Variants in NAV2 observed in about 807,000 individuals in gnomAD.
NAV2 encodes neuron navigator 2, also known as helicase, APC down-regulated 1.
A neutral mutation model predicts 223.2 loss-of-function variants in NAV2; 54 were observed. The observed-to-expected ratio is 0.24, with a 90% CI of 0.19 to 0.30. The LOEUF is 0.30. Ranked by LOEUF, NAV2 falls within the 10% of genes least tolerant of loss-of-function variation. The probability of loss-of-function intolerance (pLI) is 1.00; values close to 1 mark genes in which losing one functional copy is unlikely to be tolerated. For synonymous variants in NAV2, 1,279 were observed against 1,239.3 expected (o/e 1.03, Z -0.67); for missense variants, 2,806 against 3,147.5 (o/e 0.89, Z 2.60).
rs146286986 is a variant in NAV2, at chr11:19,732,688, A to G, written c.267+18726A>G. On this transcript the variant is annotated intron_variant, in intron 1 of 37. Coordinates refer to ENST00000349880, the MANE Select transcript of NAV2 (RefSeq NM_145117.5). The stretch of plus-strand genomic sequence containing the variant: ...TCTGCTTCTAGCTTTTGGTTGGACA[A>G]TTCCCTGGGGACTAGCTGGACTCTG... 2.6e-3 allele frequency among the ~76,000 whole-genome samples: 400 copies of G among 152,284 alleles called. 3 individuals carry two copies. Among genetic ancestry groups the G allele is most frequent in the Middle Eastern group, 0.014 (4 of 294 alleles).
chr11:19,528,481 A>AAC (rs2043913569), intron 1 of NAV2, among the ~76,000 whole-genome samples: 1 of 152,110 alleles, frequency 6.6e-6, no homozygotes, highest in African/African-American at 2.4e-5. Context: ...AAAGACCTGA[A>AAC]ACCCCATCAC....
At chr11:19,447,753 G>A (rs1281206431) in intron 1 of NAV2, among the ~76,000 whole-genome samples, 5 of 152,150 alleles carry the variant, frequency 3.3e-5, no homozygotes, top group Non-Finnish European at 5.9e-5. Flanking sequence ...GGACCGGGTA[G>A]AACTGGGTTG....
At chr11:19,484,540 T>G (rs1392021007) in intron 1 of NAV2, among the ~76,000 whole-genome samples, 1 of 152,216 alleles carries the variant, frequency 6.6e-6, no homozygotes, top group African/African-American at 2.4e-5. Context: ...TGAGGTCCAT[T>G]CTCCTAGACC....
intron 1 of NAV2, among the ~76,000 whole-genome samples, chr11:19,434,486 G>C (rs1421326750): frequency 2.0e-5 from 3 of 152,214 alleles, no homozygotes; most frequent in Non-Finnish European, 4.4e-5. Flanking sequence ...GAGTTTTTCA[G>C]TGTATCCTTG....
chr11:19,831,479 C>T (rs1185548934), intron 1 of NAV2, among the ~76,000 whole-genome samples: 6 of 151,922 alleles, frequency 3.9e-5, no homozygotes, highest in African/African-American at 1.5e-4. Context: ...TCCTTTTGAC[C>T]AATCATTTGT....
At chr11:19,690,094 C>T (rs1242511170) in intron 1 of NAV2, among the ~76,000 whole-genome samples, 1 of 152,146 alleles carries the variant, frequency 6.6e-6, no homozygotes, top group Admixed American at 6.5e-5. Context: ...CCTCAGCCTC[C>T]TGAGTAGCTG....
At chr11:19,669,961 T>G (rs1050217925) in intron 1 of NAV2, among the ~76,000 whole-genome samples, 1 of 152,152 alleles carries the variant, frequency 6.6e-6, no homozygotes, top group African/African-American at 2.4e-5. Flanking sequence ...CATACACACA[T>G]CAACATACTC....
At chr11:20,079,445 A>G (rs2059956725) in intron 24 of NAV2, among the ~76,000 whole-genome samples, 1 of 152,204 alleles carries the variant, frequency 6.6e-6, no homozygotes. Context: ...ACCAGCCTTT[A>G]GGTGTAGTTC....
At chr11:19,630,116 A>G (rs2047302617) in intron 1 of NAV2, among the ~76,000 whole-genome samples, 1 of 151,988 alleles carries the variant, frequency 6.6e-6, no homozygotes, top group African/African-American at 2.4e-5. Flanking sequence ...CCCAACTCTG[A>G]GTCCCTAGTA....
At chr11:19,592,162 A>C (rs922083422) in intron 1 of NAV2, among the ~76,000 whole-genome samples, 2 of 152,108 alleles carry the variant, frequency 1.3e-5, no homozygotes, top group African/African-American at 2.4e-5. Context: ...TTGCTCATTC[A>C]GCGCCTATCT....
intron 1 of NAV2, among the ~76,000 whole-genome samples, chr11:19,391,890 C>G (rs1042713680): frequency 6.6e-6 from 1 of 152,186 alleles, no homozygotes; most frequent in Non-Finnish European, 1.5e-5. Context: ...ATCAGCTCAA[C>G]TCGCAGGGAT....
rs1048922644 is a variant in NAV2, at chr11:19,563,516, C to T, written c.75+212489C>T. On this transcript the variant is annotated intron_variant, in intron 1 of 37. Coordinates refer to the NAV2 transcript ENST00000360655. ...TTGGTTGCTACTTGAGCCCTTGGAT[C>T]GGGATGCACCTGGTGGGCTGCAGTA... is the stretch of plus-strand genomic sequence containing the variant. 7.3e-5 allele frequency among the ~76,000 whole-genome samples: 11 copies of T among 151,602 alleles called. No homozygotes were observed. In the South Asian group the frequency reaches 1.1e-3, roughly 15 times the overall value.
In NAV2 at chr11:20,103,709, T is replaced by C. The variant is rs375066502; in HGVS notation, c.6629T>C (p.Leu2210Pro). The C allele has an allele frequency of 1.2e-6, 2 of 1,613,908 alleles. No homozygotes were observed. Among genetic ancestry groups the C allele is most frequent in the African/African-American group, 2.7e-5 (2 of 74,908 alleles). The change falls in exon 34 of 38, where the codon CTT becomes CCT. Residue 2210 changes from leucine to proline, a missense_variant. Physicochemically the swap from Leu to Pro is moderately conservative, Grantham distance 98 (BLOSUM62 -3). Coordinates refer to ENST00000349880, the MANE Select transcript of NAV2 (RefSeq NM_145117.5). ...ACCTCTTCGACTCCCAACCTGCAGC[T>C]TCACCATAACTTCAGGTCAGTTTTC... ...QATSSTPNLQ[L>P]HHNFRWVLCA...
chr11:19,624,095 T>C (rs1287138513), intron 1 of NAV2, among the ~76,000 whole-genome samples: 5 of 152,162 alleles, frequency 3.3e-5, no homozygotes, highest in Admixed American at 6.5e-5. Flanking sequence ...TATTGCAGAA[T>C]AACAAATGTT....
chr11:19,563,483 T>C (rs775387530), intron 1 of NAV2, among the ~76,000 whole-genome samples: 1 of 148,992 alleles, frequency 6.7e-6, no homozygotes, highest in Non-Finnish European at 1.5e-5. Flanking sequence ...TAAAGTAAAA[T>C]GAACACCTTG....
intron 1 of NAV2, among the ~76,000 whole-genome samples, chr11:19,643,725 A>T (rs369791081): frequency 7.2e-5 from 11 of 152,198 alleles, no homozygotes; most frequent in Admixed American, 2.0e-4. Flanking sequence ...TTCTAGATCC[A>T]TGAGGAATCG....
At chr11:19,800,302 C>G (rs977965946) in intron 1 of NAV2, among the ~76,000 whole-genome samples, 1 of 152,154 alleles carries the variant, frequency 6.6e-6, no homozygotes, top group African/African-American at 2.4e-5. Context: ...TATTCTAGCA[C>G]TTGGGGAGCA....
chr11:19,640,336 G>A (rs1358169702), intron 1 of NAV2, among the ~76,000 whole-genome samples: 1 of 152,062 alleles, frequency 6.6e-6, no homozygotes, highest in East Asian at 1.9e-4. Flanking sequence ...TGTGTATCGT[G>A]AAACTCTGAG....
chr11:20,071,793 C>T (rs1255029160), intron 22 of NAV2, among the ~76,000 whole-genome samples: 5 of 152,146 alleles, frequency 3.3e-5, no homozygotes, highest in South Asian at 4.2e-4. Context: ...GTGTTTTTTT[C>T]TTGTAAATTT....
Sources: gnomAD v4.1 joint callset for allele counts (sites outside exome capture counted in the v4.1 genomes callset) on GRCh38, gnomAD v4.1.1 for gene constraint, MANE v1.5 for transcripts, NCBI Gene and HGNC (gene_info 2026-07-23, HGNC 2026-07-21) for gene names.